The following NUP210L variants were observed in gnomAD, a reference collection of about 807,000 sequenced individuals.
NUP210L encodes nuclear pore membrane glycoprotein 210-like.
NUP210L carries 74 observed loss-of-function variants against 208.5 expected under a neutral mutation model. That is an observed-to-expected ratio of 0.35 (90% CI 0.29 to 0.43). The LOEUF is 0.43. NUP210L is among the 20% of genes least tolerant of loss of function. NUP210L has a pLI of 1.00. For missense variants in NUP210L, 1,843 were observed against 2,289.4 expected, an observed-to-expected ratio of 0.81 and a Z score of 3.98; for synonymous variants, 780 against 816.9, an observed-to-expected ratio of 0.95 and a Z score of 0.77.
intron 16 of NUP210L, among the ~76,000 whole-genome samples, chr1:154,079,266 A>C (rs1485873895): frequency 6.6e-6 from 1 of 152,134 alleles, no homozygotes; most frequent in African/African-American, 2.4e-5. Flanking sequence ...CTCAAAAAAA[A>C]AGTAAATAAA....
chr1:154,009,892 A>C, intron 35 of NUP210L, 80 bp downstream of exon 35: 2 of 1,176,828 alleles, frequency 1.7e-6, no homozygotes, highest in Non-Finnish European at 2.4e-6. Context: ...TACAGATATA[A>C]ATGCAATCCA....
chr1:153,994,877 T>C (rs1263900838), intron 38 of NUP210L, among the ~76,000 whole-genome samples, 199 bp downstream of exon 38: 1 of 151,636 alleles, frequency 6.6e-6, no homozygotes, highest in Non-Finnish European at 1.5e-5. Flanking sequence ...TCGGGAGCAG[T>C]GGCCGGCGCC....
intron 13 of NUP210L, among the ~76,000 whole-genome samples, chr1:154,103,689 G>A (rs201461868): frequency 5.5e-3 from 677 of 123,428 alleles, no homozygotes; most frequent in Middle Eastern, 0.021. Context: ...AAAAAAAAAA[G>A]AAAAAAAAAA....
chr1:154,076,561 T>A (rs2148022734), intron 16 of NUP210L, among the ~76,000 whole-genome samples: 1 of 152,040 alleles, frequency 6.6e-6, no homozygotes, highest in South Asian at 2.1e-4. Context: ...AGTTGAAAAG[T>A]ACAATAATTG....
intron 17 of NUP210L, among the ~76,000 whole-genome samples, chr1:154,065,892 CAAAAAAAAAA>C (rs58053478): frequency 3.3e-4 from 20 of 61,120 alleles, no homozygotes; most frequent in Admixed American, 1.1e-3. Context: ...GACTCTGTCT[CAAAAAAAAAA>C]AAAAAAAAAA....
chr1:154,042,781 T>C (rs1398446822), intron 27 of NUP210L, among the ~76,000 whole-genome samples: 1 of 151,458 alleles, frequency 6.6e-6, no homozygotes, highest in African/African-American at 2.4e-5. Context: ...AGTCCAGTGG[T>C]GCAATCTCGG....
chr1:153,993,193 A>G (rs1252020190), intron 38 of NUP210L, 104 bp from the exon 39 acceptor site: 1 of 706,654 alleles, frequency 1.4e-6, no homozygotes, highest in Non-Finnish European at 2.3e-6. Flanking sequence ...TCTTAAAAAT[A>G]AGTAATAGTA....
exon 4 of NUP210L, chr1:154,141,455 C>T (rs755324853): frequency 1.2e-6 from 2 of 1,610,756 alleles, no homozygotes; most frequent in Non-Finnish European, 1.7e-6. Context: ...CAGTTCTTCT[C>T]TTGCTGACTC....
intron 16 of NUP210L, among the ~76,000 whole-genome samples, chr1:154,078,031 G>A (rs1655129174): frequency 6.6e-6 from 1 of 151,830 alleles, no homozygotes; most frequent in Non-Finnish European, 1.5e-5. Flanking sequence ...TATAGGCTGT[G>A]TGGTGGCTCA....
intron 3 of NUP210L, among the ~76,000 whole-genome samples, chr1:154,142,299 C>G (rs985517263): frequency 3.3e-5 from 5 of 152,008 alleles, no homozygotes; most frequent in African/African-American, 9.7e-5. Flanking sequence ...CAGGATACTT[C>G]AACCTCGGCC....
At chr1:154,072,327 C>CTTTTTTTTTTTTTT (rs1213732819) in intron 16 of NUP210L, among the ~76,000 whole-genome samples, 3 of 80,252 alleles carry the variant, frequency 3.7e-5, no homozygotes, top group Non-Finnish European at 4.9e-5. Context: ...ATGGCCATTC[C>CTTTTTTTTTTTTTT]TTTTTTTTTT....
At chr1:154,113,997 G>T (rs1657185226) in intron 12 of NUP210L, among the ~76,000 whole-genome samples, 1 of 151,756 alleles carries the variant, frequency 6.6e-6, no homozygotes, top group African/African-American at 2.4e-5. Context: ...ACAAAAATTA[G>T]CTGGGCGTGG....
exon 18 of NUP210L, chr1:154,061,644 T>C: frequency 6.2e-7 from 1 of 1,607,388 alleles, no homozygotes; most frequent in Non-Finnish European, 8.5e-7. Flanking sequence ...TACAGTCCCT[T>C]TTATCTGATG....
At chr1:154,031,441 G>T (rs1052227686) in intron 27 of NUP210L, among the ~76,000 whole-genome samples, 3 of 151,988 alleles carry the variant, frequency 2.0e-5, no homozygotes, top group African/African-American at 7.3e-5. Flanking sequence ...TCACCCTGTT[G>T]TGCTATCATA....
At chr1:154,126,262 A>G in intron 10 of NUP210L, 61 bp downstream of exon 10, 1 of 1,465,138 alleles carries the variant, frequency 6.8e-7, no homozygotes, top group Non-Finnish European at 9.3e-7. Context: ...TTGCAAATCA[A>G]CAAGTCAGCC....
chr1:154,020,871 A>G (rs1234610573), intron 32 of NUP210L, among the ~76,000 whole-genome samples: 1 of 152,032 alleles, frequency 6.6e-6, no homozygotes, highest in Non-Finnish European at 1.5e-5. Context: ...CATGTTGGCC[A>G]GGCTGGTCTT....
At chr1:154,046,320 G>A in exon 26 of NUP210L, 1 of 1,614,172 alleles carries the variant, frequency 6.2e-7, no homozygotes, top group South Asian at 1.1e-5. Flanking sequence ...AGTTGCAGCT[G>A]CAAGGATCCT....
intron 16 of NUP210L, among the ~76,000 whole-genome samples, chr1:154,077,098 G>C (rs1252304549): frequency 1.3e-5 from 2 of 152,138 alleles, no homozygotes; most frequent in Admixed American, 6.6e-5. Context: ...AAAAGGGCCA[G>C]GTGCAGTGGC....
intron 35 of NUP210L, among the ~76,000 whole-genome samples, chr1:154,005,561 A>T (rs571988922): frequency 6.7e-6 from 1 of 148,670 alleles, no homozygotes; most frequent in African/African-American, 2.5e-5. Flanking sequence ...TTTGAGATGG[A>T]GTTTTGCTCC....
Sources: gnomAD v4.1 joint callset for allele counts (sites outside exome capture counted in the v4.1 genomes callset) on GRCh38, gnomAD v4.1.1 for gene constraint, MANE v1.5 for transcripts, NCBI Gene and HGNC (gene_info 2026-07-23, HGNC 2026-07-21) for gene names.